YPEL2: variants seen among roughly 807,000 people sequenced by gnomAD.
YPEL2 encodes yippee like 2.
YPEL2 carries 2 observed loss-of-function variants against 19.1 expected under a neutral mutation model. The observed-to-expected ratio is 0.10, with a 90% CI of 0.04 to 0.33. The LOEUF (loss-of-function observed/expected upper bound fraction) is 0.33, where lower values mean the gene tolerates loss of function less well. Ranked by LOEUF, YPEL2 falls within the 10% of genes least tolerant of loss-of-function variation. The pLI is 1.00. For missense variants in YPEL2, 66 were observed against 140.7 expected (o/e 0.47, Z 2.68); for synonymous variants, 52 against 50.0 (o/e 1.04, Z -0.17).
At position 59,388,189 on chromosome 17, in the gene YPEL2, C is replaced by T. The variant is rs147006761; in HGVS notation, c.118-138C>T. 402 of 815,018 alleles carry T rather than the reference C, an allele frequency of 4.9e-4. 2 individuals are homozygous for T. The highest frequency in any genetic ancestry group is 4.0e-3 in the East Asian group (163 of 40,818). The allele number at this position is 815,018 out of a possible 1,614,324, so 50.5% of individuals were successfully genotyped here. A position where few individuals can be genotyped will look rare whatever the true frequency, so the allele number is the denominator to read the frequency against. On this transcript the variant is annotated intron_variant, in intron 2 of 4. Transcript: ENST00000312655. Reference sequence around the variant, plus strand: ...TCTCCGCCCCCACACCATCTGCCAGCGGGACCGTTAACTGGCTCAGTACTC... The same window carrying T: ...TCTCCGCCCCCACACCATCTGCCAGTGGGACCGTTAACTGGCTCAGTACTC...
intron 1 of YPEL2, among the ~76,000 whole-genome samples, chr17:59,347,344 C>G (rs1488164484): frequency 1.3e-5 from 2 of 152,088 alleles, no homozygotes; most frequent in Non-Finnish European, 2.9e-5. Flanking sequence ...CCAGGCTAGT[C>G]TCATACTCCT....
chr17:59,358,069 C>G (rs2047822049), intron 2 of YPEL2, among the ~76,000 whole-genome samples: 1 of 152,172 alleles, frequency 6.6e-6, no homozygotes, highest in Admixed American at 6.5e-5. Context: ...ATTCAAGCCT[C>G]TCTTCATGAG....
chr17:59,383,177 T>A (rs1444651706), intron 2 of YPEL2, among the ~76,000 whole-genome samples: 3 of 152,282 alleles, frequency 2.0e-5, no homozygotes, highest in South Asian at 2.1e-4. Context: ...TATTGAATTT[T>A]AAAAATTTTA....
rs1241789422 is a variant in YPEL2, at chr17:59,379,224, C to CT, written c.118-9100dup. Among the ~76,000 whole-genome samples, 3 of 152,338 alleles carry CT rather than the reference C, an allele frequency of 2.0e-5. No homozygotes were observed. The East Asian group carries it at 5.8e-4, about 29-fold the overall frequency. ...TTGTTCTTTATCATCACCCCTCTCA[C>CT]TTTCTCCGTATGCATCCCCAAGGCT... is the stretch of plus-strand genomic sequence containing the variant. On this transcript the variant is annotated intron_variant, in intron 2 of 4. Transcript: ENST00000312655.
chr17:59,356,077 CCTTT>C (rs1304249678), intron 2 of YPEL2: 1 of 152,194 alleles, frequency 6.6e-6, no homozygotes. Flanking sequence ...GGAAAATAGG[CCTTT>C]CTTTTCATTT....
intron 2 of YPEL2, among the ~76,000 whole-genome samples, chr17:59,381,282 A>C (rs907170878): frequency 1.4e-4 from 21 of 152,200 alleles, no homozygotes; most frequent in Admixed American, 9.2e-4. Flanking sequence ...CCCAGATGTT[A>C]GATGGTGTGG....
intron 2 of YPEL2, among the ~76,000 whole-genome samples, chr17:59,364,007 C>G (rs1468594649): frequency 6.6e-6 from 1 of 152,152 alleles, no homozygotes; most frequent in African/African-American, 2.4e-5. Context: ...TTATAGGATG[C>G]TCTGAATGTC....
At chr17:59,395,473 C>G (rs2048034062) in intron 4 of YPEL2, among the ~76,000 whole-genome samples, 2 of 152,148 alleles carry the variant, frequency 1.3e-5, no homozygotes, top group South Asian at 4.1e-4. Flanking sequence ...AGAGAATACA[C>G]CAAGATGTTC....
rs948726854 is a variant in YPEL2, at chr17:59,343,115, G to C, written c.-195-10100G>C. ...TCATACTCTATCTGCTGGCCCAAAT[G>C]AGTTGGCATCACAAGAGTTTACTGG... On this transcript the variant is annotated intron_variant, in intron 1 of 4. Transcript: ENST00000312655. 4.6e-5 allele frequency among the ~76,000 whole-genome samples: 7 copies of C among 152,210 alleles called. 1 individual carries two copies. Among genetic ancestry groups the C allele is most frequent in the African/African-American group, 1.7e-4 (7 of 41,428 alleles).
rs1451901752 is a variant in YPEL2 at position 59,401,071 on chromosome 17, C to G, written c.*3881C>G. 1.3e-5 allele frequency: 2 copies of G among 152,306 alleles called. No homozygotes were observed. Among genetic ancestry groups the G allele is most frequent in the Non-Finnish European group, 2.9e-5 (2 of 68,024 alleles). The allele number at this position is 152,306 out of a possible 1,614,324, so 9.4% of individuals were successfully genotyped here. A position where few individuals can be genotyped will look rare whatever the true frequency, so the allele number is the denominator to read the frequency against. On this transcript the variant is annotated 3_prime_UTR_variant, in exon 5 of 5. Transcript: ENST00000312655. ...TTAATCACGTATCGCAGGGCTCCAG[C>G]TGTTTTAGAAGCCACATCATGTTAA... is the stretch of plus-strand genomic sequence containing the variant.
chr17:59,335,606 A>C (rs2047694881), intron 1 of YPEL2, among the ~76,000 whole-genome samples: 1 of 152,194 alleles, frequency 6.6e-6, no homozygotes, highest in Non-Finnish European at 1.5e-5. Context: ...GCTGGAGTGC[A>C]GTGGTGTGAT....
chr17:59,383,888 A>G (rs993308272), intron 2 of YPEL2, among the ~76,000 whole-genome samples: 4 of 151,964 alleles, frequency 2.6e-5, no homozygotes, highest in African/African-American at 4.8e-5. Flanking sequence ...TAGTATATGG[A>G]TATACCAATC....
rs779364817 is a variant in YPEL2, at chr17:59,340,539, C to A, written c.-196+8715C>A. ...CACGCCATTCTCCTGCCTCAGCCTC[C>A]CAAGTAGCTGGGACTACAGGCACCC... On this transcript the variant is annotated intron_variant, in intron 1 of 4. Coordinates refer to ENST00000312655, the MANE Select transcript of YPEL2 (RefSeq NM_001005404.4). 3.6e-4 allele frequency among the ~76,000 whole-genome samples: 54 copies of A among 151,968 alleles called. 1 individual carries two copies. The highest frequency in any genetic ancestry group is 8.8e-5 in the Non-Finnish European group (6 of 67,996).
chr17:59,361,517 A>G (rs1655533112), intron 2 of YPEL2, among the ~76,000 whole-genome samples: 1 of 152,154 alleles, frequency 6.6e-6, no homozygotes, highest in Non-Finnish European at 1.5e-5. Context: ...GATGATTGTG[A>G]CATCGTTTTT....
At chr17:59,360,331 G>A (rs1172646665) in intron 2 of YPEL2, among the ~76,000 whole-genome samples, 3 of 152,066 alleles carry the variant, frequency 2.0e-5, no homozygotes, top group Non-Finnish European at 4.4e-5. Flanking sequence ...TGCCTGCCTC[G>A]GCCTCCCAGA....
chr17:59,387,214 G>A (rs534388042), intron 2 of YPEL2, among the ~76,000 whole-genome samples: 17 of 139,772 alleles, frequency 1.2e-4, no homozygotes, highest in African/African-American at 3.3e-4. Flanking sequence ...AGCCAAGATC[G>A]CGCAACTGCA....
At chr17:59,397,035 G>GA (rs3214250) in intron 4 of YPEL2, 66 bp from the exon 5 acceptor site, 3,356 of 1,277,418 alleles carry the variant, frequency 2.6e-3, no homozygotes, top group South Asian at 4.8e-3. Flanking sequence ...CCTCAAAAAA[G>GA]AAAAAAAAAA....
intron 2 of YPEL2, among the ~76,000 whole-genome samples, chr17:59,362,022 T>G (rs561092153): frequency 2.6e-5 from 4 of 152,180 alleles, no homozygotes; most frequent in Non-Finnish European, 4.4e-5. Context: ...ATTAGAAGAA[T>G]AGAAGCTAGG....
At position 59,353,613 on chromosome 17, in the gene YPEL2, AAT is replaced by A; in HGVS notation, c.117+90_117+91del. On this transcript the variant is annotated intron_variant, in intron 2 of 4. Coordinates refer to ENST00000312655, the MANE Select transcript of YPEL2 (RefSeq NM_001005404.4). The surrounding 1 kb of genome is among the most constrained non-coding windows in gnomAD (Gnocchi z 4.8). ...TTGCAGAGGTTTACAAGCTCTCAAG[AAT>A]ATTTGTACTCCATCTTTGTACAGGG... The A allele has an allele frequency of 9.9e-7, 1 of 1,010,474 alleles. No individual in the cohort carries two copies. 62.6% of individuals were successfully genotyped at this position (1,010,474 alleles called of 1,614,324 possible).
Sources: gnomAD v4.1 joint callset for allele counts (sites outside exome capture counted in the v4.1 genomes callset) on GRCh38, gnomAD v4.1.1 for gene constraint, Gnocchi (gnomAD v3.1) non-coding constraint, MANE v1.5 for transcripts, NCBI Gene and HGNC (gene_info 2026-07-23, HGNC 2026-07-21) for gene names.